CDC42BPA: variants seen among roughly 807,000 people sequenced by gnomAD.
CDC42BPA encodes the protein serine/threonine-protein kinase MRCK alpha.
In CDC42BPA, 80 loss-of-function variants were observed where a neutral mutation model predicts 223.5. The ratio of observed to expected loss-of-function variants is 0.36; its 90% confidence interval spans 0.30 to 0.43. The LOEUF (loss-of-function observed/expected upper bound fraction) is 0.43, where lower values mean the gene tolerates loss of function less well. Ranked by LOEUF, CDC42BPA falls within the 20% of genes least tolerant of loss-of-function variation. The pLI is 1.00. For synonymous variants in CDC42BPA, 694 were observed against 718.6 expected (o/e 0.97, Z 0.55); for missense variants, 1,743 against 2,099.9 (o/e 0.83, Z 3.32).
At position 227,026,044 on chromosome 1, in the gene CDC42BPA, T is replaced by A; in HGVS notation, c.4530+11A>T. On this transcript the variant is annotated intron_variant, in intron 31 of 36. Transcript: ENST00000366766. The stretch of plus-strand genomic sequence containing the variant: ...TCAGTTGGCTTAGCCCACATTTTAA[T>A]GTTAAATTACCTTTTTGAGAGGAAG... 6.8e-7 allele frequency: 1 copy of A among 1,469,420 alleles called. No homozygotes were observed. Among genetic ancestry groups the A allele is most frequent in the African/African-American group, 1.4e-5 (1 of 71,606 alleles). 91.0% of individuals were successfully genotyped at this position (1,469,420 alleles called of 1,614,324 possible).
At chr1:227,177,496 T>C (rs1210525886) in intron 5 of CDC42BPA, among the ~76,000 whole-genome samples, 1 of 152,170 alleles carries the variant, frequency 6.6e-6, no homozygotes, top group Non-Finnish European at 1.5e-5. Context: ...TGTGATATAC[T>C]GTTTTCCTCT....
chr1:227,259,890 C>A (rs1026951839), intron 1 of CDC42BPA, among the ~76,000 whole-genome samples: 1 of 150,728 alleles, frequency 6.6e-6, no homozygotes, highest in African/African-American at 2.5e-5. Context: ...TTTAAAAGTA[C>A]TTCTTGGCAA....
chr1:227,188,175 G>A (rs1469238374), intron 5 of CDC42BPA, among the ~76,000 whole-genome samples: 3 of 152,000 alleles, frequency 2.0e-5, no homozygotes, highest in Non-Finnish European at 2.9e-5. Context: ...TGCCAACAAT[G>A]TACTCAAATA....
At chr1:227,168,497 G>GTTTTTTTTTTTTTGTTTTTTTTTTT (rs1665488488) in intron 5 of CDC42BPA, among the ~76,000 whole-genome samples, 1 of 80,196 alleles carries the variant, frequency 1.2e-5, no homozygotes, top group Non-Finnish European at 2.4e-5. Context: ...CTTCCCTGGT[G>GTTTTTTTTTTTTTGTTTTTTTTTTT]TTTTTTTTTT....
At chr1:227,187,798 A>T (rs1211547786) in intron 5 of CDC42BPA, among the ~76,000 whole-genome samples, 1 of 151,432 alleles carries the variant, frequency 6.6e-6, no homozygotes, top group Non-Finnish European at 1.5e-5. Flanking sequence ...TTATGCATAG[A>T]GGAACAAAGA....
At chr1:227,121,807 T>C (rs1437957814) in intron 11 of CDC42BPA, among the ~76,000 whole-genome samples, 2 of 150,910 alleles carry the variant, frequency 1.3e-5, no homozygotes, top group African/African-American at 2.4e-5. Flanking sequence ...TTTTTCTTTT[T>C]TTTTTTTTTT....
At chr1:227,214,317 AG>A (rs1385829368) in intron 2 of CDC42BPA, among the ~76,000 whole-genome samples, 1 of 152,198 alleles carries the variant, frequency 6.6e-6, no homozygotes, top group Non-Finnish European at 1.5e-5. Flanking sequence ...AATTACAGTA[AG>A]TGTATACATA....
chr1:227,194,157 A>T (rs755303012), intron 4 of CDC42BPA, among the ~76,000 whole-genome samples: 6 of 152,182 alleles, frequency 3.9e-5, no homozygotes, highest in Non-Finnish European at 8.8e-5. Flanking sequence ...GGCAGAGAAC[A>T]ACACAGGGTT....
intron 5 of CDC42BPA, among the ~76,000 whole-genome samples, chr1:227,168,071 G>A (rs935919489): frequency 2.0e-5 from 3 of 151,770 alleles, no homozygotes; most frequent in Non-Finnish European, 4.4e-5. Flanking sequence ...GATTACAGGT[G>A]CCCGCCACTA....
intron 2 of CDC42BPA, among the ~76,000 whole-genome samples, chr1:227,247,282 A>G (rs771271628): frequency 2.7e-5 from 4 of 149,002 alleles, no homozygotes; most frequent in Non-Finnish European, 5.9e-5. Flanking sequence ...AGATCACTTG[A>G]GGTCAAAGAC....
intron 3 of CDC42BPA, among the ~76,000 whole-genome samples, chr1:227,207,375 T>A (rs1672962614): frequency 6.7e-6 from 1 of 148,178 alleles, no homozygotes; most frequent in Non-Finnish European, 1.5e-5. Flanking sequence ...TTCTTTTTTT[T>A]TTATTATACT....
Position 227,112,858 on chromosome 1 carries a change from G to T in CDC42BPA, c.1703C>A (p.Ala568Glu). ...LKNQSKELKD[A>E]HCQRKLAMQE... is the part of the protein sequence containing the mutation. ...CATGGCCAGTTTCCTCTGACAGTGT[G>T]CGTCTTTCAGCTCTTTGGATTGGTT... The change falls in exon 13 of 37, where the codon GCA (alanine) becomes GAA (glutamate). Residue 568 changes from alanine to glutamate, a missense_variant. By Grantham distance (107) the Ala-to-Glu change is moderately radical. Coordinates refer to ENST00000366766, the MANE Select transcript of CDC42BPA (RefSeq NM_001394014.1). The T allele has an allele frequency of 6.2e-7, 1 of 1,613,962 alleles. No homozygotes were observed. Among genetic ancestry groups the T allele is most frequent in the Non-Finnish European group, 8.5e-7 (1 of 1,179,904 alleles).
chr1:227,088,423 G>T (rs1233529139), intron 16 of CDC42BPA, among the ~76,000 whole-genome samples: 1 of 152,140 alleles, frequency 6.6e-6, no homozygotes, highest in Non-Finnish European at 1.5e-5. Context: ...CATTTTAAGT[G>T]AAAAGGCAGA....
intron 21 of CDC42BPA, among the ~76,000 whole-genome samples, chr1:227,058,048 G>T (rs528487683): frequency 2.0e-5 from 3 of 152,122 alleles, no homozygotes; most frequent in Non-Finnish European, 2.9e-5. Context: ...CCTTCTAGAG[G>T]TTATGTAATG....
chr1:227,146,376 C>A (rs1324959946), intron 7 of CDC42BPA, among the ~76,000 whole-genome samples: 1 of 152,010 alleles, frequency 6.6e-6, no homozygotes, highest in Non-Finnish European at 1.5e-5. Context: ...CTATTTACAA[C>A]CCTGCTGCTA....
chr1:227,224,726 T>C (rs1371832704), intron 2 of CDC42BPA, among the ~76,000 whole-genome samples: 1 of 152,226 alleles, frequency 6.6e-6, no homozygotes. Context: ...TTATTGTGGA[T>C]TAGAAAACTA....
rs1395407649 is a variant in CDC42BPA at position 227,317,211 on chromosome 1, T to G, written c.-29A>C. 6 of 1,585,972 alleles carry G rather than the reference T, an allele frequency of 3.8e-6. No individual in the cohort carries two copies. The highest frequency in any genetic ancestry group is 5.1e-6 in the Non-Finnish European group (6 of 1,167,780). On this transcript the variant is annotated 5_prime_UTR_variant, in exon 1 of 37. Coordinates refer to ENST00000366766, the MANE Select transcript of CDC42BPA (RefSeq NM_001394014.1). ...TGCTTCGATTTCTGCTGGTTTTCCT[T>G]TAAATTATTATGATGACTTTTACTA...
intron 5 of CDC42BPA, among the ~76,000 whole-genome samples, chr1:227,164,510 A>T (rs970126973): frequency 8.5e-5 from 13 of 152,208 alleles, no homozygotes; most frequent in African/African-American, 2.4e-4. Context: ...TATAAAAAAA[A>T]ATATTAAATC....
rs758378126 is a variant in CDC42BPA at position 227,193,954 on chromosome 1, A to C, written c.451-20T>G. ...CAGGTACTGTGAATGAAAAAAATAA[A>C]ATGTACTCAGTAAACTAATAAGGGT... On this transcript the variant is annotated intron_variant, in intron 4 of 36. Transcript: ENST00000366766. The C allele has an allele frequency of 1.3e-6, 2 of 1,582,252 alleles. No individual in the cohort carries two copies. The highest frequency in any genetic ancestry group is 1.2e-5 in the South Asian group (1 of 86,422).
Sources: gnomAD v4.1 joint callset for allele counts (sites outside exome capture counted in the v4.1 genomes callset) on GRCh38, gnomAD v4.1.1 for gene constraint, MANE v1.5 for transcripts, NCBI Gene and HGNC (gene_info 2026-07-23, HGNC 2026-07-21) for gene names.